Variants in DRAM1 observed in about 807,000 individuals in gnomAD.
DRAM1 encodes DNA damage-regulated autophagy modulator protein 1.
In DRAM1, 25 loss-of-function variants were observed where a neutral mutation model predicts 28.5. That is an observed-to-expected ratio of 0.88 (90% confidence interval 0.64 to 1.23). DRAM1 has a LOEUF of 1.23. Ranked by LOEUF, DRAM1 falls within the 50% of genes most tolerant of loss-of-function variation. DRAM1 has a pLI of 0.00. For missense variants in DRAM1, 249 were observed against 299.2 expected (o/e 0.83, Z 1.24); for synonymous variants, 113 against 114.2 (o/e 0.99, Z 0.07).
At chr12:101,878,053 A>G in intron 1 of DRAM1, 133 bp downstream of exon 1, 1 of 1,228,874 alleles carries the variant, frequency 8.1e-7, no homozygotes, top group Non-Finnish European at 1.1e-6. Flanking sequence ...GAGCAGGAGG[A>G]GAGGTGCTCC....
Position 101,901,323 on chromosome 12 carries a change from G to A in DRAM1, c.232G>A (p.Val78Ile). The stretch of plus-strand genomic sequence containing the variant: ...CACGATGTATACAAGATACAAAATA[G>A]TACAGAAGCAAAATCAAACCTGCTA... Reference protein sequence around the residue: ...AATMYTRYKIVQKQNQTCYFS... With the variant: ...AATMYTRYKIIQKQNQTCYFS... The change falls in exon 3 of 7, where the codon GTA becomes ATA. Residue 78 changes from valine to isoleucine, a missense_variant. Physicochemically the swap from Val to Ile is conservative, Grantham distance 29. Transcript: ENST00000258534. The A allele has an allele frequency of 6.2e-7, 1 of 1,614,162 alleles. No individual in the cohort carries two copies.
intron 4 of DRAM1, among the ~76,000 whole-genome samples, chr12:101,910,190 A>G (rs1339721959): frequency 2.0e-5 from 3 of 152,206 alleles, no homozygotes; most frequent in Non-Finnish European, 4.4e-5. Context: ...TACCAACAAA[A>G]TATATACCCT....
At chr12:101,882,402 G>A (rs1021673098) in intron 1 of DRAM1, among the ~76,000 whole-genome samples, 8 of 151,154 alleles carry the variant, frequency 5.3e-5, no homozygotes, top group Middle Eastern at 3.4e-3. Context: ...GAGCCACCGC[G>A]CCCGGCCCCT....
intron 5 of DRAM1, among the ~76,000 whole-genome samples, chr12:101,915,813 G>A (rs990560885): frequency 2.6e-5 from 4 of 152,010 alleles, no homozygotes; most frequent in African/African-American, 9.7e-5. Flanking sequence ...GCCCTCCTTG[G>A]CCTCCTAAAG....
intron 2 of DRAM1, among the ~76,000 whole-genome samples, chr12:101,898,318 G>A (rs575971213): frequency 2.0e-5 from 3 of 152,092 alleles, no homozygotes; most frequent in Non-Finnish European, 2.9e-5. Context: ...CACTGCACAC[G>A]GCCTTGTGTA....
At chr12:101,883,733 C>A (rs1382114322) in intron 1 of DRAM1, among the ~76,000 whole-genome samples, 2 of 151,140 alleles carry the variant, frequency 1.3e-5, no homozygotes, top group Non-Finnish European at 3.0e-5. Flanking sequence ...GTCAAGAGAT[C>A]GCAACCATTC....
chr12:101,917,740 T>C (rs541832628), intron 5 of DRAM1, among the ~76,000 whole-genome samples: 18 of 150,470 alleles, frequency 1.2e-4, no homozygotes, highest in African/African-American at 4.2e-4. Flanking sequence ...CTTAAAATGG[T>C]CAAATTCGTC....
chr12:101,919,643 C>T (rs757166176), intron 5 of DRAM1, among the ~76,000 whole-genome samples: 59 of 152,274 alleles, frequency 3.9e-4, no homozygotes, highest in South Asian at 3.7e-3. Context: ...CAGGGAAACA[C>T]GAAACCTAGG....
chr12:101,895,186 G>GTTTTTTTTTTTTTTTGTTTTT (rs1873303402), intron 1 of DRAM1, among the ~76,000 whole-genome samples: 1 of 75,720 alleles, frequency 1.3e-5, no homozygotes, highest in Non-Finnish European at 2.3e-5. Flanking sequence ...AACCCTTCAG[G>GTTTTTTTTTTTTTTTGTTTTT]TTTTTTTTTT....
intron 4 of DRAM1, among the ~76,000 whole-genome samples, chr12:101,910,685 G>T (rs1200887148): frequency 6.6e-6 from 1 of 151,592 alleles, no homozygotes; most frequent in East Asian, 2.0e-4. Flanking sequence ...CACCATGTTG[G>T]CCAGGCTGGT....
At chr12:101,915,985 T>G (rs1874229324) in intron 5 of DRAM1, among the ~76,000 whole-genome samples, 1 of 152,242 alleles carries the variant, frequency 6.6e-6, no homozygotes, top group South Asian at 2.1e-4. Flanking sequence ...GTTCTACTAG[T>G]TCACGTTTCA....
intron 3 of DRAM1, among the ~76,000 whole-genome samples, chr12:101,904,433 T>G (rs1236779891): frequency 1.6e-5 from 1 of 61,418 alleles, no homozygotes; most frequent in African/African-American, 1.7e-4. Flanking sequence ...AGGGGTTTTT[T>G]TTTTTTTTTT....
intron 1 of DRAM1, among the ~76,000 whole-genome samples, chr12:101,880,505 T>C (rs1167291991): frequency 2.0e-5 from 3 of 151,942 alleles, no homozygotes; most frequent in African/African-American, 7.3e-5. Context: ...GCCAGGCTGG[T>C]CTCAAGCTCC....
chr12:101,922,299 C>T lies in DRAM1; in HGVS notation c.*1039C>T, dbSNP rs1396166563. On this transcript the variant is annotated 3_prime_UTR_variant, in exon 7 of 7. Coordinates refer to ENST00000258534, the MANE Select transcript of DRAM1 (RefSeq NM_018370.3). ...AAGAACTACAGACTCCATCTTTTCA[C>T]CCAAATCATGAATGACCAATAAAAA... is the stretch of plus-strand genomic sequence containing the variant. 1 of 152,212 alleles carries T rather than the reference C, an allele frequency of 6.6e-6. No homozygotes were observed. Among genetic ancestry groups the T allele is most frequent in the African/African-American group, 2.4e-5 (1 of 41,440 alleles). 9.4% of individuals were successfully genotyped at this position (152,212 alleles called of 1,614,324 possible).
At chr12:101,904,188 C>T (rs190410583) in intron 3 of DRAM1, among the ~76,000 whole-genome samples, 60 of 152,012 alleles carry the variant, frequency 3.9e-4, no homozygotes, top group Middle Eastern at 3.4e-3. Flanking sequence ...GATGGCGTTT[C>T]GCCATGTTGG....
chr12:101,903,912 AACAC>A (rs368288202), intron 3 of DRAM1, among the ~76,000 whole-genome samples: 13,095 of 121,452 alleles, frequency 0.11, 696 homozygotes, highest in Middle Eastern at 0.2. Flanking sequence ...TGCCTCTGGA[AACAC>A]ACACACACAT....
chr12:101,910,792 T>C (rs958226668), intron 4 of DRAM1, among the ~76,000 whole-genome samples: 3 of 152,062 alleles, frequency 2.0e-5, no homozygotes, highest in Admixed American at 2.0e-4. Context: ...AGGAAGTTCT[T>C]ATTATAAGTC....
At chr12:101,895,803 C>T (rs929544012) in intron 1 of DRAM1, among the ~76,000 whole-genome samples, 3 of 152,032 alleles carry the variant, frequency 2.0e-5, no homozygotes, top group Non-Finnish European at 4.4e-5. Context: ...AACTCCTGAC[C>T]TCGTGATCCA....
rs995448360 is a variant in DRAM1, at chr12:101,889,953, A to AG, written c.132-7910_132-7909insG. 3 of 372,072 alleles carry AG rather than the reference A, an allele frequency of 8.1e-6. No homozygotes were observed. In the East Asian group the frequency reaches 2.4e-4, roughly 30 times the overall value. The allele number at this position is 372,072 out of a possible 1,614,324, so 23.0% of individuals were successfully genotyped here. A position where few individuals can be genotyped will look rare whatever the true frequency, so the allele number is the denominator to read the frequency against. Reference sequence around the variant, plus strand: ...TAGACTCTGTCTCAAAAAAAAAAAAAAAAAAAAAAGATGCCAGTAATGAGT... The same window carrying AG: ...TAGACTCTGTCTCAAAAAAAAAAAAAGAAAAAAAAAGATGCCAGTAATGAGT... On this transcript the variant is annotated intron_variant, in intron 1 of 6. Transcript: ENST00000258534.
Sources: allele counts gnomAD v4.1 joint callset (sites outside exome capture counted in the v4.1 genomes callset), GRCh38; gene constraint gnomAD v4.1.1; transcripts MANE v1.5; gene names NCBI Gene and HGNC (gene_info 2026-07-23, HGNC 2026-07-21).